Variants in PEPD observed in about 807,000 individuals in gnomAD.
PEPD encodes xaa-Pro dipeptidase.
PEPD carries 53 observed loss-of-function variants against 60.7 expected under a neutral mutation model. The ratio of observed to expected loss-of-function variants is 0.87; its 90% confidence interval spans 0.70 to 1.10. The LOEUF is 1.10. Ranked by LOEUF, PEPD falls within the 50% of genes least tolerant of loss-of-function variation. The pLI is 0.00. For synonymous variants in PEPD, 267 were observed against 284.1 expected (o/e 0.94, Z 0.60); for missense variants, 711 against 711.9 (o/e 1.00, Z 0.01).
At chr19:33,470,496 C>A (rs75101047) in intron 7 of PEPD, among the ~76,000 whole-genome samples, 1 of 152,112 alleles carries the variant, frequency 6.6e-6, no homozygotes, top group Non-Finnish European at 1.5e-5. Context: ...TCGGAGACGA[C>A]CCCCTTCTAC....
chr19:33,510,898 A>G, intron 3 of PEPD, 130 bp downstream of exon 3: 1 of 947,308 alleles, frequency 1.1e-6, no homozygotes, highest in South Asian at 1.4e-5. Context: ...CCCTGACCGC[A>G]TGCCCTTCCT....
In PEPD at chr19:33,452,335, C is replaced by CT. The variant is rs558951302; in HGVS notation, c.671+10659dup. 1.5e-3 allele frequency among the ~76,000 whole-genome samples: 230 copies of CT among 152,160 alleles called. 1 individual carries two copies. The East Asian group carries it at 0.021, about 14-fold the overall frequency. ...TATTCAAAAATAAACTAGCCAAAAT[C>CT]TATTTATTACTAAAGAGGAAAAAAT... On this transcript the variant is annotated intron_variant, in intron 9 of 14. Coordinates refer to ENST00000244137, the MANE Select transcript of PEPD (RefSeq NM_000285.4).
intron 9 of PEPD, among the ~76,000 whole-genome samples, chr19:33,428,035 T>C (rs1365824027): frequency 6.6e-6 from 1 of 151,936 alleles, no homozygotes; most frequent in East Asian, 1.9e-4. Flanking sequence ...CCCCACCTTG[T>C]AAGAGACACG....
intron 9 of PEPD, among the ~76,000 whole-genome samples, chr19:33,440,138 T>G (rs769968738): frequency 5.3e-5 from 8 of 152,070 alleles, no homozygotes; most frequent in Middle Eastern, 3.2e-3. Context: ...TCTGAACCTC[T>G]CCCCAGATGC....
intron 6 of PEPD, among the ~76,000 whole-genome samples, chr19:33,482,049 C>CAAA (rs1231807455): frequency 2.0e-5 from 3 of 151,958 alleles, no homozygotes; most frequent in South Asian, 2.1e-4. Context: ...ACAACAACAA[C>CAAA]AAAAACAGAA....
intron 7 of PEPD, among the ~76,000 whole-genome samples, chr19:33,473,529 C>G (rs1389847787): frequency 6.6e-6 from 1 of 150,658 alleles, no homozygotes; most frequent in African/African-American, 2.4e-5. Context: ...GCAGATGACT[C>G]AATTTAACAC....
intron 9 of PEPD, among the ~76,000 whole-genome samples, chr19:33,448,294 C>T (rs1266295935): frequency 6.6e-6 from 1 of 152,204 alleles, no homozygotes; most frequent in Non-Finnish European, 1.5e-5. Context: ...ACTAGATGCG[C>T]CCAGGACTTG....
rs368795182 is a variant in PEPD, at chr19:33,403,249, T to C, written c.819-1380A>G. Among the ~76,000 whole-genome samples the C allele has an allele frequency of 2.0e-5, 3 of 152,208 alleles. No homozygotes were observed. In the East Asian group the frequency reaches 5.8e-4, roughly 29 times the overall value. On this transcript the variant is annotated intron_variant, in intron 11 of 14. Coordinates refer to ENST00000244137, the MANE Select transcript of PEPD (RefSeq NM_000285.4). ...GGTCCACCAGCCCCTTCACAGGTCA[T>C]GGCCAAGTCACGACACTGATGGTGA...
At position 33,411,717 on chromosome 19, in the gene PEPD, T is replaced by A. The variant is rs1205813104; in HGVS notation, c.773A>T (p.His258Leu). The A allele has an allele frequency of 1.2e-6, 2 of 1,611,342 alleles. No individual in the cohort carries two copies. The highest frequency in any genetic ancestry group is 1.1e-5 in the South Asian group (1 of 90,972). ...GENSAVLHYG[H>L]AGAPNDRTIQ... ...CGTTCGGTCGTTGGGAGCTCCGGCGTGTCCGTAGTGTAGCACGGCTGAGTT... is the reference window on the plus strand; with the variant it reads ...CGTTCGGTCGTTGGGAGCTCCGGCGAGTCCGTAGTGTAGCACGGCTGAGTT... The change falls in exon 11 of 15, where the codon CAC becomes CTC. Residue 258 changes from histidine (H) to leucine (L), a missense_variant. Physicochemically the swap from His to Leu is moderately conservative, Grantham distance 99. Coordinates refer to ENST00000244137, the MANE Select transcript of PEPD (RefSeq NM_000285.4).
At chr19:33,393,478 C>T (rs1174505462) in intron 12 of PEPD, among the ~76,000 whole-genome samples, 3 of 148,096 alleles carry the variant, frequency 2.0e-5, no homozygotes, top group South Asian at 2.1e-4. Flanking sequence ...CCCACTTGGC[C>T]GCTCCCCCGC....
rs1202466444 is a variant in PEPD at position 33,391,480 on chromosome 19, C to T, written c.968-1G>A. The T allele has an allele frequency of 1.3e-6, 2 of 1,549,366 alleles. No individual in the cohort carries two copies. Among genetic ancestry groups the T allele is most frequent in the Admixed American group, 3.9e-5 (2 of 51,032 alleles). On this transcript the variant is annotated splice_acceptor_variant, in intron 12 of 14. Transcript: ENST00000244137. LOFTEE classifies it high-confidence loss of function. ...CGGTGCATGTCAGGCCACCAGACAC[C>T]TGTGGGCCAGAGGGAGCTGCCGTGA...
intron 9 of PEPD, among the ~76,000 whole-genome samples, chr19:33,419,810 T>A (rs1398696818): frequency 1.3e-5 from 2 of 151,882 alleles, no homozygotes; most frequent in Admixed American, 6.5e-5. Context: ...CACCAAGTCC[T>A]GGGCGAAGGA....
At chr19:33,500,466 G>C (rs1970686323) in intron 4 of PEPD, among the ~76,000 whole-genome samples, 1 of 152,198 alleles carries the variant, frequency 6.6e-6, no homozygotes, top group Non-Finnish European at 1.5e-5. Flanking sequence ...ACACCTGCTG[G>C]ACAACCCCAC....
intron 9 of PEPD, among the ~76,000 whole-genome samples, chr19:33,426,597 C>T (rs556849893): frequency 1.3e-5 from 2 of 152,358 alleles, no homozygotes; most frequent in African/African-American, 2.4e-5. Context: ...CATGGACTCA[C>T]AGCCACTCTC....
chr19:33,512,730 G>A lies in PEPD; in HGVS notation c.64C>T (p.Leu22Phe). The A allele has an allele frequency of 6.2e-7, 1 of 1,614,056 alleles. No individual in the cohort carries two copies. Among genetic ancestry groups the A allele is most frequent in the Non-Finnish European group, 8.5e-7 (1 of 1,179,940 alleles). Residue 22 changes from leucine (L) to phenylalanine (F), a missense_variant, in exon 2 of 15, where the codon CTC (leucine) becomes TTC (phenylalanine). Physicochemically the swap from Leu to Phe is conservative, Grantham distance 22. Transcript: ENST00000244137. ...GNETLKVPLA[L>F]FALNRQRLCE... Reference sequence around the variant, plus strand: ...AGGCGCTGCCGGTTCAAGGCAAAGAGCGCCAGCGGCACCTTCAGGGTTTCA... The same window carrying A: ...AGGCGCTGCCGGTTCAAGGCAAAGAACGCCAGCGGCACCTTCAGGGTTTCA...
chr19:33,400,426 C>T (rs1293898145), intron 12 of PEPD, among the ~76,000 whole-genome samples: 2 of 152,250 alleles, frequency 1.3e-5, no homozygotes, highest in Non-Finnish European at 2.9e-5. Flanking sequence ...CCCAAATGAC[C>T]GAATTGGCTG....
intron 10 of PEPD, among the ~76,000 whole-genome samples, chr19:33,412,752 G>A (rs1172109008): frequency 3.9e-5 from 6 of 152,184 alleles, no homozygotes; most frequent in Admixed American, 6.5e-5. Context: ...TTCATGTGCC[G>A]GGGACGTGCG....
At chr19:33,400,430 T>A (rs774627407) in intron 12 of PEPD, among the ~76,000 whole-genome samples, 6 of 152,228 alleles carry the variant, frequency 3.9e-5, no homozygotes, top group Non-Finnish European at 8.8e-5. Flanking sequence ...AATGACCGAA[T>A]TGGCTGGAGA....
intron 9 of PEPD, among the ~76,000 whole-genome samples, chr19:33,445,536 G>T (rs990621421): frequency 2.0e-5 from 3 of 152,192 alleles, no homozygotes; most frequent in Non-Finnish European, 2.9e-5. Flanking sequence ...AGGAAAGGCC[G>T]CATGAGGACA....
Sources: allele counts gnomAD v4.1 joint callset (sites outside exome capture counted in the v4.1 genomes callset), GRCh38; gene constraint gnomAD v4.1.1; transcripts MANE v1.5; gene names NCBI Gene and HGNC (gene_info 2026-07-23, HGNC 2026-07-21).